The following FOXK2 variants were observed in gnomAD, a reference collection of about 807,000 sequenced individuals.
FOXK2 encodes forkhead box K2.
Under a neutral mutation model 53.3 loss-of-function variants are expected in FOXK2, and 24 were observed. The ratio of observed to expected loss-of-function variants is 0.45; its 90% CI spans 0.33 to 0.63. The LOEUF (loss-of-function observed/expected upper bound fraction) is 0.63. Among genes scored for constraint, FOXK2 ranks in the 30% least tolerant of loss-of-function variants. FOXK2 has a pLI of 0.03. For synonymous variants in FOXK2, 505 were observed against 407.1 expected (o/e 1.24, Z -2.89); for missense variants, 952 against 910.5 (o/e 1.05, Z -0.59).
intron 1 of FOXK2, among the ~76,000 whole-genome samples, chr17:82,527,061 C>T (rs1469134289): frequency 6.6e-6 from 1 of 152,158 alleles, no homozygotes; most frequent in African/African-American, 2.4e-5. Context: ...CGACCTGAAA[C>T]TCCTGACAAG....
intron 8 of FOXK2, among the ~76,000 whole-genome samples, chr17:82,589,621 G>A (rs2045233429): frequency 1.3e-5 from 2 of 151,800 alleles, no homozygotes; most frequent in African/African-American, 4.9e-5. Context: ...GGAGAGGACA[G>A]TGTCAGCACT....
chr17:82,577,641 C>T (rs1036196070), intron 4 of FOXK2, among the ~76,000 whole-genome samples: 5 of 152,216 alleles, frequency 3.3e-5, no homozygotes, highest in African/African-American at 9.6e-5. Flanking sequence ...TTTTACTTCA[C>T]CCAGAATTGA....
chr17:82,530,465 A>AT (rs1412554424), intron 1 of FOXK2, among the ~76,000 whole-genome samples: 30 of 126,284 alleles, frequency 2.4e-4, no homozygotes, highest in African/African-American at 9.2e-4. Flanking sequence ...AAAAAAAAAA[A>AT]AGAGAGAGAA....
At chr17:82,576,619 G>T in intron 4 of FOXK2, 1 of 1,104,674 alleles carries the variant, frequency 9.1e-7, no homozygotes. Context: ...ACCCAGTGCC[G>T]CAGATTGTTC....
intron 1 of FOXK2, among the ~76,000 whole-genome samples, chr17:82,552,692 C>T (rs753539486): frequency 6.6e-6 from 1 of 152,180 alleles, no homozygotes; most frequent in African/African-American, 2.4e-5. Flanking sequence ...GTTGTGTCCT[C>T]TCAGGGCACC....
At chr17:82,544,019 G>A (rs1456091184) in intron 1 of FOXK2, among the ~76,000 whole-genome samples, 1 of 151,878 alleles carries the variant, frequency 6.6e-6, no homozygotes, top group Admixed American at 6.6e-5. Context: ...CTCGTGATCC[G>A]CCCGCCTCAG....
Position 82,601,488 on chromosome 17 carries a change from G to T in FOXK2, c.1972G>T (p.Val658Phe). ...ACCGGCAGCCGTAAGGGAAAAGGGT[G>T]TCCAGAACTAGCGACCGGGAGAGCT... Reference protein sequence around the residue: ...TPPAAVREKGVQN With the variant: ...TPPAAVREKGFQN Residue 658 changes from valine to phenylalanine, a missense_variant, in exon 9 of 9, where the codon GTC becomes TTC. Physicochemically the swap from Val to Phe is conservative, Grantham distance 50. This residue lies in a region of FOXK2 where 551 missense variants were observed against 385.1 expected (regional missense o/e 1.43). Coordinates refer to ENST00000335255, the MANE Select transcript of FOXK2 (RefSeq NM_004514.4). The T allele has an allele frequency of 6.2e-7, 1 of 1,603,278 alleles. No homozygotes were observed.
At chr17:82,550,851 G>A (rs1318982101) in intron 1 of FOXK2, among the ~76,000 whole-genome samples, 2 of 152,140 alleles carry the variant, frequency 1.3e-5, no homozygotes, top group Non-Finnish European at 2.9e-5. Flanking sequence ...GCCTGAAACC[G>A]GCCTTGTCTG....
intron 1 of FOXK2, among the ~76,000 whole-genome samples, chr17:82,523,359 C>G (rs940773993): frequency 6.6e-6 from 1 of 152,026 alleles, no homozygotes; most frequent in Non-Finnish European, 1.5e-5. Context: ...TTCAGCACTT[C>G]CTTTTTTGTA....
At chr17:82,563,670 A>G in intron 2 of FOXK2, 122 bp downstream of exon 2, 1 of 805,950 alleles carries the variant, frequency 1.2e-6, no homozygotes, top group Non-Finnish European at 1.8e-6. Flanking sequence ...GGTGTTTAAA[A>G]TATCATTGGA....
chr17:82,601,280 C>T, intron 8 of FOXK2, 23 bp from the exon 9 acceptor site: 1 of 1,603,386 alleles, frequency 6.2e-7, no homozygotes, highest in Non-Finnish European at 8.5e-7. Flanking sequence ...GCGTGGGGTT[C>T]TGACTCCCTC....
chr17:82,544,546 C>T (rs938218905), intron 1 of FOXK2, among the ~76,000 whole-genome samples: 4 of 152,106 alleles, frequency 2.6e-5, no homozygotes, highest in African/African-American at 9.7e-5. Context: ...CCCAGCACTG[C>T]GTCATCCAAC....
intron 8 of FOXK2, among the ~76,000 whole-genome samples, chr17:82,592,064 C>A (rs2045258032): frequency 6.6e-6 from 1 of 152,208 alleles, no homozygotes; most frequent in South Asian, 2.1e-4. Flanking sequence ...GCACCACATC[C>A]AGCTAAGTTT....
At chr17:82,538,591 A>G (rs1200056989) in intron 1 of FOXK2, among the ~76,000 whole-genome samples, 1 of 152,238 alleles carries the variant, frequency 6.6e-6, no homozygotes, top group African/African-American at 2.4e-5. Context: ...GCTGGTGGAC[A>G]CAGTCCCCAC....
At chr17:82,576,704 T>G in intron 4 of FOXK2, 1 of 1,049,922 alleles carries the variant, frequency 9.5e-7, no homozygotes, top group Non-Finnish European at 1.4e-6. Context: ...GTCCTCGGCC[T>G]TCTTTTTCTG....
chr17:82,559,597 C>A (rs2044771453), intron 1 of FOXK2: 1 of 417,306 alleles, frequency 2.4e-6, no homozygotes, highest in Non-Finnish European at 4.9e-6. Context: ...TCAGATCCTG[C>A]TGGAACCTCG....
At chr17:82,570,396 G>T (rs1022688462) in intron 3 of FOXK2, among the ~76,000 whole-genome samples, 1 of 152,228 alleles carries the variant, frequency 6.6e-6, no homozygotes, top group Admixed American at 6.5e-5. Context: ...GGGCGGCTGA[G>T]GTGGGAGGAT....
intron 6 of FOXK2, chr17:82,585,231 C>T (rs1021103651): frequency 1.3e-5 from 2 of 152,258 alleles, no homozygotes; most frequent in African/African-American, 2.4e-5. Context: ...GAACTTTCTG[C>T]TTCCCTTCCA....
At chr17:82,546,952 C>G (rs886522902) in intron 1 of FOXK2, among the ~76,000 whole-genome samples, 1 of 151,788 alleles carries the variant, frequency 6.6e-6, no homozygotes, top group African/African-American at 2.4e-5. Flanking sequence ...TGGTGGGTGC[C>G]TGTAGTCCCA....
Sources: gnomAD v4.1 joint callset for allele counts (sites outside exome capture counted in the v4.1 genomes callset) on GRCh38, gnomAD v4.1.1 for gene constraint, gnomAD v4.1.1 regional missense constraint, MANE v1.5 for transcripts, NCBI Gene and HGNC (gene_info 2026-07-23, HGNC 2026-07-21) for gene names.